GLIS3: variants seen among roughly 807,000 people sequenced by gnomAD.
The protein encoded by GLIS3 is zinc finger protein GLIS3.
GLIS3 carries 53 observed loss-of-function variants against 78.6 expected under a neutral mutation model. The observed-to-expected ratio is 0.67, with a 90% confidence interval of 0.54 to 0.85. GLIS3 has a LOEUF of 0.85. Among genes scored for constraint, GLIS3 ranks in the 40% least tolerant of loss-of-function variants. The pLI, the probability that GLIS3 is intolerant of heterozygous loss-of-function variation, is 0.00. For synonymous variants in GLIS3, 684 were observed against 509.9 expected, an observed-to-expected ratio of 1.34 and a Z score of -4.60; for missense variants, 1,703 against 1,231.1, an observed-to-expected ratio of 1.38 and a Z score of -5.74.
chr9:3,851,086 T>C (rs1263981248), intron 9 of GLIS3, among the ~76,000 whole-genome samples: 1 of 152,220 alleles, frequency 6.6e-6, no homozygotes, highest in Non-Finnish European at 1.5e-5. Context: ...TGGTGTCTCC[T>C]TGATGGGCCC....
chr9:4,174,574 T>G (rs1384951184), intron 2 of GLIS3, among the ~76,000 whole-genome samples: 1 of 152,228 alleles, frequency 6.6e-6, no homozygotes, highest in African/African-American at 2.4e-5. Flanking sequence ...TAATCAATTA[T>G]CTAACTGACA....
At chr9:4,219,210 C>T (rs1410094187) in intron 2 of GLIS3, among the ~76,000 whole-genome samples, 1 of 152,180 alleles carries the variant, frequency 6.6e-6, no homozygotes, top group African/African-American at 2.4e-5. Context: ...CCACGGTCTC[C>T]CCTGTGACCA....
In GLIS3 at chr9:4,153,566, A is replaced by AAT. The variant is rs899545296; in HGVS notation, c.389-27627_389-27626dup. On this transcript the variant is annotated intron_variant, in intron 2 of 10. Transcript: ENST00000381971. ...GCAACACAGTGAGACTCTGTCTCAAAATATATATATATTGTGGAACACAGA... is the reference window on the plus strand; with the variant it reads ...GCAACACAGTGAGACTCTGTCTCAAAATATATATATATATTGTGGAACACAGA... Among the ~76,000 whole-genome samples the AAT allele has an allele frequency of 8.5e-5, 13 of 152,186 alleles. No homozygotes were observed. The South Asian group carries it at 1.2e-3, about 15-fold the overall frequency.
the GLIS3 span, among the ~76,000 whole-genome samples, chr9:4,416,218 C>T: frequency 1.7e-5 from 2 of 120,814 alleles, no homozygotes; most frequent in Non-Finnish European, 3.2e-5. Flanking sequence ...AGCCACTGTA[C>T]TCTGGCCTGA....
At chr9:4,035,292 A>T (rs562459171) in intron 4 of GLIS3, among the ~76,000 whole-genome samples, 1 of 152,248 alleles carries the variant, frequency 6.6e-6, no homozygotes, top group South Asian at 2.1e-4. Context: ...GTGAGCCATG[A>T]TTCAAAACCA....
intron 1 of GLIS3, 148 bp from the exon 2 acceptor site, chr9:4,286,671 A>C (rs146899430): frequency 1.1e-5 from 6 of 558,158 alleles, no homozygotes; most frequent in Non-Finnish European, 1.6e-5. Flanking sequence ...CCTCAAATAC[A>C]CGGCTCATTG....
chr9:3,948,615 T>A (rs1257222498), intron 4 of GLIS3, among the ~76,000 whole-genome samples: 1 of 152,182 alleles, frequency 6.6e-6, no homozygotes, highest in Non-Finnish European at 1.5e-5. Flanking sequence ...ATAATAAGTC[T>A]ATGAAAAATT....
At chr9:4,379,482 C>G in the GLIS3 span, among the ~76,000 whole-genome samples, 4 of 152,240 alleles carry the variant, frequency 2.6e-5, no homozygotes, top group Admixed American at 1.3e-4. Context: ...TTAGTCCCTT[C>G]TTTTAGTGCA....
chr9:4,392,699 T>C, the GLIS3 span, among the ~76,000 whole-genome samples: 4 of 152,230 alleles, frequency 2.6e-5, no homozygotes, highest in East Asian at 5.8e-4. Context: ...AGGGACACCC[T>C]GTTTATGACA....
At chr9:3,973,611 G>A (rs974658894) in intron 4 of GLIS3, among the ~76,000 whole-genome samples, 1 of 152,102 alleles carries the variant, frequency 6.6e-6, no homozygotes, top group Non-Finnish European at 1.5e-5. Flanking sequence ...GCTAATCCTA[G>A]CCTATTCCTA....
At chr9:4,487,148 C>T in the GLIS3 span, among the ~76,000 whole-genome samples, 9 of 152,104 alleles carry the variant, frequency 5.9e-5, no homozygotes, top group South Asian at 1.5e-3. Context: ...TACAGGCACC[C>T]GCCACCACGC....
intron 4 of GLIS3, among the ~76,000 whole-genome samples, chr9:4,116,617 C>A (rs1284597677): frequency 6.6e-6 from 1 of 152,174 alleles, no homozygotes; most frequent in Non-Finnish European, 1.5e-5. Flanking sequence ...GAATAAGAAA[C>A]CTTGGCCAAT....
intron 2 of GLIS3, among the ~76,000 whole-genome samples, chr9:4,337,183 C>A (rs549094361): frequency 1.1e-4 from 16 of 152,290 alleles, no homozygotes; most frequent in African/African-American, 3.6e-4. Context: ...AAGTGCAAAT[C>A]ATTTAACCCC....
chr9:4,075,969 G>C (rs1186343477), intron 4 of GLIS3, among the ~76,000 whole-genome samples: 1 of 152,180 alleles, frequency 6.6e-6, no homozygotes, highest in Non-Finnish European at 1.5e-5. Flanking sequence ...CAGAAGGATT[G>C]ACTGCAAAGG....
At chr9:3,955,462 C>T (rs1817035309) in intron 4 of GLIS3, among the ~76,000 whole-genome samples, 1 of 152,112 alleles carries the variant, frequency 6.6e-6, no homozygotes, top group Admixed American at 6.5e-5. Flanking sequence ...GGAATTTCTG[C>T]CCCTGAGGAT....
At chr9:4,115,722 C>T (rs867872378) in intron 4 of GLIS3, among the ~76,000 whole-genome samples, 17 of 152,074 alleles carry the variant, frequency 1.1e-4, no homozygotes, top group African/African-American at 4.1e-4. Context: ...AGGCTTCCTG[C>T]TAAAAATATA....
chr9:4,442,910 G>C, the GLIS3 span, among the ~76,000 whole-genome samples: 2 of 152,070 alleles, frequency 1.3e-5, no homozygotes, highest in African/African-American at 4.8e-5. Context: ...CATAAGAAGA[G>C]TTTAGAGATT....
At chr9:4,487,014 G>A in the GLIS3 span, among the ~76,000 whole-genome samples, 7 of 152,154 alleles carry the variant, frequency 4.6e-5, no homozygotes, top group Non-Finnish European at 8.8e-5. Context: ...TAGACACTTT[G>A]GAAATGCAAA....
chr9:4,373,675 T>C, the GLIS3 span, among the ~76,000 whole-genome samples: 31 of 151,752 alleles, frequency 2.0e-4, no homozygotes, highest in Admixed American at 9.2e-4. Flanking sequence ...CTTTTCTTTT[T>C]TTTTTTTTTT....
Sources: allele counts gnomAD v4.1 joint callset (sites outside exome capture counted in the v4.1 genomes callset), GRCh38; gene constraint gnomAD v4.1.1; transcripts MANE v1.5; gene names NCBI Gene and HGNC (gene_info 2026-07-23, HGNC 2026-07-21).